The following NIPBL variants were observed in gnomAD, a reference collection of about 807,000 sequenced individuals.
The protein encoded by NIPBL is NIPBL cohesin loading factor.
Under a neutral mutation model 321.8 loss-of-function variants are expected in NIPBL, and 19 were observed. The ratio of observed to expected loss-of-function variants is 0.06; its 90% CI spans 0.04 to 0.09. The LOEUF (loss-of-function observed/expected upper bound fraction) is 0.09, where lower values mean the gene tolerates loss of function less well. Among genes scored for constraint, NIPBL ranks in the 10% least tolerant of loss-of-function variants. The pLI, the probability that NIPBL is intolerant of heterozygous loss-of-function variation, is 1.00. For missense variants in NIPBL, 2,210 were observed against 3,327.0 expected (o/e 0.66, Z 8.26); for synonymous variants, 1,106 against 1,114.1 (o/e 0.99, Z 0.14).
intron 1 of NIPBL, among the ~76,000 whole-genome samples, chr5:36,907,053 G>GT (rs1031198209): frequency 6.6e-6 from 1 of 152,100 alleles, no homozygotes; most frequent in Non-Finnish European, 1.5e-5. Context: ...TACTTGTTTA[G>GT]TTTTTCCGGG....
At chr5:37,028,049 A>G (rs1350308569) in intron 32 of NIPBL, among the ~76,000 whole-genome samples, 1 of 152,146 alleles carries the variant, frequency 6.6e-6, no homozygotes, top group African/African-American at 2.4e-5. Context: ...GGATCAATAT[A>G]TTGCATTAAA....
At chr5:36,959,606 A>G (rs1031957062) in intron 4 of NIPBL, among the ~76,000 whole-genome samples, 4 of 152,228 alleles carry the variant, frequency 2.6e-5, no homozygotes, top group Non-Finnish European at 5.9e-5. Flanking sequence ...TGAGTGGAAG[A>G]AAGACTAATA....
intron 40 of NIPBL, among the ~76,000 whole-genome samples, chr5:37,050,041 G>A (rs1222123199): frequency 6.6e-6 from 1 of 152,114 alleles, no homozygotes; most frequent in Non-Finnish European, 1.5e-5. Context: ...ATGACTCCGG[G>A]CTATTATCAT....
intron 1 of NIPBL, among the ~76,000 whole-genome samples, chr5:36,902,508 T>G (rs557381620): frequency 5.3e-4 from 80 of 152,332 alleles, no homozygotes; most frequent in Non-Finnish European, 7.6e-4. Context: ...AGAGAGTCCT[T>G]TCCCCATTGC....
chr5:37,023,052 G>A (rs1749831899), intron 29 of NIPBL, among the ~76,000 whole-genome samples: 1 of 152,188 alleles, frequency 6.6e-6, no homozygotes, highest in African/African-American at 2.4e-5. Flanking sequence ...CAACATAGAT[G>A]CACTAGTGCA....
rs533451646 is a variant in NIPBL, at chr5:37,064,434, G to A, written c.8050-93G>A. On this transcript the variant is annotated intron_variant, in intron 46 of 46. Coordinates refer to ENST00000282516, the MANE Select transcript of NIPBL (RefSeq NM_133433.4). ...AGTGTGCCGGGAAATCCCAACTCCC[G>A]GCGTCAAGGGATTAAAAGCAATAAA... 1.0e-5 allele frequency: 16 copies of A among 1,579,662 alleles called. No individual in the cohort carries two copies. The South Asian group carries it at 1.2e-4, about 12-fold the overall frequency.
At chr5:36,881,456 T>C (rs1386455460) in intron 1 of NIPBL, among the ~76,000 whole-genome samples, 1 of 151,948 alleles carries the variant, frequency 6.6e-6, no homozygotes, top group Non-Finnish European at 1.5e-5. Context: ...TGAGGACTTA[T>C]TTGCCAGGAG....
At position 37,059,054 on chromosome 5, in the gene NIPBL, G is replaced by A; in HGVS notation, c.7574G>A (p.Cys2525Tyr). ...GACGATATAAATTCAGTGATGAAAT[G>A]TTTGCCAGAAAATTCAGCTCCTTTA... is the stretch of plus-strand genomic sequence containing the variant. Reference protein sequence around the residue: ...SEDDINSVMKCLPENSAPLIE... With the variant: ...SEDDINSVMKYLPENSAPLIE... The change falls in exon 44 of 47, where the codon TGT (cysteine) becomes TAT (tyrosine). Residue 2525 changes from cysteine to tyrosine, a missense_variant. By Grantham distance (194) the Cys-to-Tyr change is radical. Around this residue, in one of 14 missense-constraint regions of NIPBL, gnomAD observed 79 missense variants for 90.8 expected, o/e 0.87. Transcript: ENST00000282516. 3 of 1,614,200 alleles carry A rather than the reference G, an allele frequency of 1.9e-6. No homozygotes were observed. Among genetic ancestry groups the A allele is most frequent in the Non-Finnish European group, 2.5e-6 (3 of 1,180,026 alleles).
intron 10 of NIPBL, among the ~76,000 whole-genome samples, chr5:36,992,603 C>A (rs934023682): frequency 6.6e-6 from 1 of 152,042 alleles, no homozygotes; most frequent in Non-Finnish European, 1.5e-5. Context: ...CAACCTGGAA[C>A]TCCTGAGCTG....
chr5:36,884,389 T>G (rs1301414471), intron 1 of NIPBL, among the ~76,000 whole-genome samples: 1 of 152,202 alleles, frequency 6.6e-6, no homozygotes, highest in African/African-American at 2.4e-5. Flanking sequence ...AATATATATT[T>G]GTGTATTGTT....
chr5:37,006,267 C>T lies in NIPBL; in HGVS notation c.3856-90C>T, dbSNP rs573591235. On this transcript the variant is annotated intron_variant, in intron 16 of 46. Transcript: ENST00000282516. ...AATTAACACACATCATAACACTTTT[C>T]CACCAGTGAAAATCAAATCATAATT... 13 of 770,510 alleles carry T rather than the reference C, an allele frequency of 1.7e-5. No individual in the cohort carries two copies. The East Asian group carries it at 2.7e-4, about 16-fold the overall frequency. The allele number at this position is 770,510 out of a possible 1,614,324, so 47.7% of individuals were successfully genotyped here.
At chr5:37,054,277 T>A (rs938938018) in intron 42 of NIPBL, among the ~76,000 whole-genome samples, 1 of 151,682 alleles carries the variant, frequency 6.6e-6, no homozygotes, top group Admixed American at 6.6e-5. Context: ...TAAAGCAAAA[T>A]TATAATTACC....
At chr5:36,977,602 C>CTT (rs879884531) in intron 9 of NIPBL, among the ~76,000 whole-genome samples, 2 of 131,608 alleles carry the variant, frequency 1.5e-5, no homozygotes, top group Non-Finnish European at 3.3e-5. Context: ...TTTTCTTTGT[C>CTT]TTTTTTTTTT....
chr5:36,991,524 A>G (rs1745513351), intron 10 of NIPBL, among the ~76,000 whole-genome samples: 1 of 152,148 alleles, frequency 6.6e-6, no homozygotes, highest in African/African-American at 2.4e-5. Flanking sequence ...ATACATATCA[A>G]GGAAAGAATC....
Position 36,985,715 on chromosome 5 carries a change from A to G in NIPBL, c.2535A>G (p.Thr845=). The G allele has an allele frequency of 1.2e-6, 2 of 1,613,886 alleles. No individual in the cohort carries two copies. The highest frequency in any genetic ancestry group is 2.7e-5 in the African/African-American group (2 of 74,996). The change falls in exon 10 of 47, where the codon ACA becomes ACG. Residue 845 remains threonine (T), a synonymous_variant. Coordinates refer to ENST00000282516, the MANE Select transcript of NIPBL (RefSeq NM_133433.4). ...GDQSRVRRPE[T]LRSSSRNEHG... ...AGTCTAGGGTTCGAAGACCAGAAAC[A>G]TTGAGATCCTCTAGTAGAAATGAAC...
chr5:37,012,995 G>A lies in NIPBL; in HGVS notation c.4561-1688G>A, dbSNP rs1348980433. On this transcript the variant is annotated intron_variant, in intron 21 of 46. Transcript: ENST00000282516. ...GAGCTGTTGGGTACACTTCCCAGAC[G>A]GGGTGGTGGCCGGGCAGAGGCGCCC... Among the ~76,000 whole-genome samples, 23 of 152,332 alleles carry A rather than the reference G, an allele frequency of 1.5e-4. No homozygotes were observed. In the East Asian group the frequency reaches 3.9e-3, roughly 26 times the overall value.
intron 40 of NIPBL, 156 bp from the exon 41 acceptor site, chr5:37,051,623 A>G: frequency 3.2e-6 from 2 of 629,402 alleles, no homozygotes; most frequent in South Asian, 4.1e-5. Context: ...ATCTCAAAAG[A>G]TCTGTCATTT....
At chr5:36,962,022 T>C (rs1741682217) in intron 5 of NIPBL, 101 bp from the exon 6 acceptor site, 1 of 1,312,264 alleles carries the variant, frequency 7.6e-7, no homozygotes, top group East Asian at 2.3e-5. Flanking sequence ...ATTTTACATA[T>C]ATAAACTAAG....
chr5:37,044,281 G>C, intron 34 of NIPBL, 66 bp from the exon 35 acceptor site: 1 of 1,450,180 alleles, frequency 6.9e-7, no homozygotes, highest in South Asian at 1.2e-5. Context: ...CCCCAAATAC[G>C]TAAAGCTGTA....
Sources: allele counts gnomAD v4.1 joint callset (sites outside exome capture counted in the v4.1 genomes callset), GRCh38; gene constraint gnomAD v4.1.1; regional missense constraint gnomAD v4.1.1; transcripts MANE v1.5; gene names NCBI Gene and HGNC (gene_info 2026-07-23, HGNC 2026-07-21).